ATRNL1: variants seen among roughly 807,000 people sequenced by gnomAD.
The protein encoded by ATRNL1 is attractin-like protein 1.
In ATRNL1, 95 loss-of-function variants were observed where a neutral mutation model predicts 182.7. The observed-to-expected ratio is 0.52, with a 90% CI of 0.44 to 0.62. The LOEUF is 0.62. Among genes scored for constraint, ATRNL1 ranks in the 20% least tolerant of loss-of-function variants. The pLI, the probability that ATRNL1 is intolerant of heterozygous loss-of-function variation, is 0.00. For missense variants in ATRNL1, 1,471 were observed against 1,679.5 expected, an observed-to-expected ratio of 0.88 and a Z score of 2.17; for synonymous variants, 576 against 568.3, an observed-to-expected ratio of 1.01 and a Z score of -0.19.
intron 15 of ATRNL1, among the ~76,000 whole-genome samples, chr10:115,289,256 C>G (rs1399406992): frequency 6.6e-6 from 1 of 152,164 alleles, no homozygotes; most frequent in Non-Finnish European, 1.5e-5. Context: ...CCCATCAGAT[C>G]CCTCCCACAA....
At chr10:115,510,095 T>C (rs1387321863) in intron 24 of ATRNL1, among the ~76,000 whole-genome samples, 2 of 152,046 alleles carry the variant, frequency 1.3e-5, no homozygotes, top group African/African-American at 2.4e-5. Flanking sequence ...TGTACGGAAT[T>C]GCTGCAATGT....
At chr10:115,797,918 C>CT (rs138302775) in intron 27 of ATRNL1, among the ~76,000 whole-genome samples, 17 of 151,438 alleles carry the variant, frequency 1.1e-4, no homozygotes, top group South Asian at 1.0e-3. Flanking sequence ...TCTCAGAGAC[C>CT]TTTTTTTTTC....
rs1316039617 is a variant in ATRNL1 at position 115,585,576 on chromosome 10, G to A, written c.3795+36040G>A. Among the ~76,000 whole-genome samples, 17 of 54,774 alleles carry A rather than the reference G, an allele frequency of 3.1e-4. 1 individual carries two copies. The highest frequency in any genetic ancestry group is 1.1e-3 in the Admixed American group (6 of 5,556). The allele number at this position is 54,774 out of a possible 152,430, so 35.9% of individuals were successfully genotyped here. ...AACAGAGACTAGGATTGCAACCCCT[G>A]TCTTTTTTTGTTTTCCATTTGCTTG... On this transcript the variant is annotated intron_variant, in intron 26 of 28. Coordinates refer to ENST00000355044, the MANE Select transcript of ATRNL1 (RefSeq NM_207303.4).
chr10:115,402,452 C>G (rs1422510910), intron 20 of ATRNL1, among the ~76,000 whole-genome samples: 3 of 152,152 alleles, frequency 2.0e-5, no homozygotes, highest in African/African-American at 7.2e-5. Flanking sequence ...CCACTCACAA[C>G]CATGTGCCTT....
intron 28 of ATRNL1, among the ~76,000 whole-genome samples, chr10:115,860,202 AG>A (rs1173532091): frequency 1.3e-5 from 2 of 152,320 alleles, no homozygotes; most frequent in Non-Finnish European, 2.9e-5. Context: ...GAGGGAATAA[AG>A]ATTCTTGTTC....
At chr10:115,265,657 A>C (rs1217771866) in intron 11 of ATRNL1, among the ~76,000 whole-genome samples, 2 of 151,694 alleles carry the variant, frequency 1.3e-5, no homozygotes, top group Non-Finnish European at 3.0e-5. Context: ...AGTGAGAAGA[A>C]TTAGATTCTC....
At chr10:115,571,246 T>G (rs1254705346) in intron 26 of ATRNL1, among the ~76,000 whole-genome samples, 1 of 152,186 alleles carries the variant, frequency 6.6e-6, no homozygotes, top group African/African-American at 2.4e-5. Flanking sequence ...AAAATCAGTA[T>G]AGGACCAGGT....
chr10:115,908,320 T>G (rs190990641), intron 28 of ATRNL1, among the ~76,000 whole-genome samples: 78 of 152,292 alleles, frequency 5.1e-4, no homozygotes, highest in Non-Finnish European at 6.0e-4. Flanking sequence ...AAGCTTCATT[T>G]TTTTTTCTGG....
chr10:115,127,786 T>C (rs1845038267), intron 4 of ATRNL1, 65 bp downstream of exon 4: 2 of 1,184,842 alleles, frequency 1.7e-6, no homozygotes. Flanking sequence ...AGAGGTTTTT[T>C]TTGTTTATTT....
At chr10:115,754,687 G>T (rs994041054) in intron 27 of ATRNL1, among the ~76,000 whole-genome samples, 9 of 152,118 alleles carry the variant, frequency 5.9e-5, no homozygotes, top group Admixed American at 5.2e-4. Flanking sequence ...TTAAAGTAGT[G>T]TTTTCCAATT....
At chr10:115,297,718 A>G (rs1554923156) in intron 15 of ATRNL1, among the ~76,000 whole-genome samples, 1 of 151,282 alleles carries the variant, frequency 6.6e-6, no homozygotes, top group Non-Finnish European at 1.5e-5. Flanking sequence ...ACTACCACTT[A>G]TGCAGAGCTT....
intron 28 of ATRNL1, among the ~76,000 whole-genome samples, chr10:115,873,281 C>G (rs1463087580): frequency 6.6e-6 from 1 of 152,186 alleles, no homozygotes; most frequent in Non-Finnish European, 1.5e-5. Context: ...GAACCAGGAC[C>G]TAGACCCTAA....
intron 24 of ATRNL1, among the ~76,000 whole-genome samples, chr10:115,502,441 T>C (rs1849891167): frequency 6.6e-6 from 1 of 152,140 alleles, no homozygotes; most frequent in African/African-American, 2.4e-5. Flanking sequence ...AAGTGATAAC[T>C]CAAGGATTTT....
At chr10:115,422,641 CAG>C (rs1463775057) in intron 20 of ATRNL1, among the ~76,000 whole-genome samples, 11 of 152,272 alleles carry the variant, frequency 7.2e-5, no homozygotes, top group African/African-American at 2.6e-4. Flanking sequence ...TAAAAGAACT[CAG>C]AGCAGAGTTA....
Position 115,185,751 on chromosome 10 carries a change from A to G in ATRNL1, c.1348+14459A>G, listed in dbSNP as rs182263703. Among the ~76,000 whole-genome samples, 36 of 152,146 alleles carry G rather than the reference A, an allele frequency of 2.4e-4. No homozygotes were observed. In the East Asian group the frequency reaches 4.5e-3, roughly 19 times the overall value. ...TAAGTCTCCCCTACAGATTGCTGAT[A>G]AGGTGCGGGAGAAAAATCGTAACTA... On this transcript the variant is annotated intron_variant, in intron 8 of 28. Coordinates refer to ENST00000355044, the MANE Select transcript of ATRNL1 (RefSeq NM_207303.4).
intron 27 of ATRNL1, among the ~76,000 whole-genome samples, chr10:115,738,154 T>TTTTTTTTTTTTTTTTC (rs71010046): frequency 0.019 from 1,203 of 63,870 alleles, 305 homozygotes; most frequent in East Asian, 0.047. Context: ...TTTTTTTTTT[T>TTTTTTTTTTTTTTTTC]TTGAGATGGA....
intron 26 of ATRNL1, among the ~76,000 whole-genome samples, chr10:115,693,921 G>C (rs1233737216): frequency 6.6e-6 from 1 of 152,018 alleles, no homozygotes; most frequent in African/African-American, 2.4e-5. Flanking sequence ...TTTGACAGGA[G>C]GGTGCTAGGC....
intron 17 of ATRNL1, among the ~76,000 whole-genome samples, chr10:115,311,189 A>ATTT (rs58808060): frequency 0.21 from 27,687 of 133,714 alleles, 3,930 homozygotes; most frequent in Non-Finnish European, 0.3. Context: ...TATGATTTAG[A>ATTT]TTTTTTTTTT....
At chr10:115,800,103 C>G (rs1427813805) in intron 27 of ATRNL1, among the ~76,000 whole-genome samples, 1 of 151,858 alleles carries the variant, frequency 6.6e-6, no homozygotes, top group Non-Finnish European at 1.5e-5. Context: ...GCCTGTAATC[C>G]CATCTACTCA....
Sources: gnomAD v4.1 joint callset for allele counts (sites outside exome capture counted in the v4.1 genomes callset) on GRCh38, gnomAD v4.1.1 for gene constraint, MANE v1.5 for transcripts, NCBI Gene and HGNC (gene_info 2026-07-23, HGNC 2026-07-21) for gene names.